Variants in CDKAL1 observed in about 807,000 individuals in gnomAD.
CDKAL1 encodes the protein CDKAL1 threonylcarbamoyladenosine tRNA methylthiotransferase.
Under a neutral mutation model 68.2 loss-of-function variants are expected in CDKAL1, and 32 were observed. That is an observed-to-expected ratio of 0.47 (90% confidence interval 0.35 to 0.63). CDKAL1 has a LOEUF of 0.63. Among genes scored for constraint, CDKAL1 ranks in the 30% least tolerant of loss-of-function variants. The probability of loss-of-function intolerance (pLI) is 0.00; values close to 1 mark genes in which losing one functional copy is unlikely to be tolerated. For synonymous variants in CDKAL1, 234 were observed against 244.3 expected, an observed-to-expected ratio of 0.96 and a Z score of 0.39; for missense variants, 606 against 696.7, an observed-to-expected ratio of 0.87 and a Z score of 1.47.
intron 10 of CDKAL1, among the ~76,000 whole-genome samples, chr6:20,966,287 A>G (rs907213069): frequency 6.6e-6 from 1 of 152,204 alleles, no homozygotes; most frequent in Non-Finnish European, 1.5e-5. Flanking sequence ...CCACTTGAAA[A>G]TGTTAAGCTT....
At chr6:20,890,736 G>A (rs1761349933) in intron 9 of CDKAL1, among the ~76,000 whole-genome samples, 2 of 152,102 alleles carry the variant, frequency 1.3e-5, no homozygotes, top group Non-Finnish European at 2.9e-5. Flanking sequence ...TTTTTAATTA[G>A]TGCATCAGGC....
intron 13 of CDKAL1, among the ~76,000 whole-genome samples, chr6:21,114,693 C>T (rs906511055): frequency 1.3e-5 from 2 of 151,904 alleles, no homozygotes; most frequent in Non-Finnish European, 2.9e-5. Flanking sequence ...GAGTTGTGAT[C>T]GCACCACTGC....
At chr6:20,616,334 T>G (rs1393795862) in intron 4 of CDKAL1, among the ~76,000 whole-genome samples, 1 of 148,852 alleles carries the variant, frequency 6.7e-6, no homozygotes, top group Admixed American at 6.7e-5. Flanking sequence ...ACTGGTAGCT[T>G]GATGGGGATG....
At chr6:21,171,015 TA>T (rs1777362012) in intron 13 of CDKAL1, among the ~76,000 whole-genome samples, 1 of 152,240 alleles carries the variant, frequency 6.6e-6, no homozygotes, top group South Asian at 2.1e-4. Flanking sequence ...ATTAGTAAGA[TA>T]TTTTTAAATG....
intron 10 of CDKAL1, among the ~76,000 whole-genome samples, chr6:20,984,849 G>A (rs995467252): frequency 6.6e-6 from 1 of 151,726 alleles, no homozygotes; most frequent in African/African-American, 2.4e-5. Flanking sequence ...GTTTTGGAAA[G>A]GACAACATTT....
At chr6:21,171,634 A>G (rs983287834) in intron 13 of CDKAL1, among the ~76,000 whole-genome samples, 4 of 152,210 alleles carry the variant, frequency 2.6e-5, no homozygotes, top group African/African-American at 9.6e-5. Flanking sequence ...TAACTATTCC[A>G]CTATTGTTGA....
intron 9 of CDKAL1, among the ~76,000 whole-genome samples, chr6:20,912,555 G>A (rs1498425): frequency 0.96 from 145,994 of 152,296 alleles, 69,988 homozygotes; most frequent in East Asian, 1. Flanking sequence ...AAGACACCTT[G>A]TAAAAGCCAG....
At chr6:21,126,276 G>C (rs529073398) in intron 13 of CDKAL1, among the ~76,000 whole-genome samples, 1 of 152,320 alleles carries the variant, frequency 6.6e-6, no homozygotes, top group African/African-American at 2.4e-5. Flanking sequence ...TATATAAAGA[G>C]AGTAAAGCTC....
At chr6:20,652,913 C>T (rs1196830868) in intron 5 of CDKAL1, among the ~76,000 whole-genome samples, 4 of 152,152 alleles carry the variant, frequency 2.6e-5, no homozygotes, top group Admixed American at 2.0e-4. Flanking sequence ...CATTTCCTTA[C>T]TTTTATTAGT....
At chr6:20,589,010 A>G (rs1305811379) in intron 4 of CDKAL1, among the ~76,000 whole-genome samples, 1 of 152,184 alleles carries the variant, frequency 6.6e-6, no homozygotes, top group Non-Finnish European at 1.5e-5. Flanking sequence ...GGTTCAGGTG[A>G]TTTAAAAATA....
intron 9 of CDKAL1, among the ~76,000 whole-genome samples, chr6:20,942,482 C>T (rs563914619): frequency 5.2e-4 from 78 of 150,432 alleles, no homozygotes; most frequent in African/African-American, 1.8e-3. Flanking sequence ...ATTCTCCTGC[C>T]GCAGCCTTCC....
At chr6:20,545,925 C>T (rs1581702986) in intron 2 of CDKAL1, among the ~76,000 whole-genome samples, 1 of 152,180 alleles carries the variant, frequency 6.6e-6, no homozygotes, top group Non-Finnish European at 1.5e-5. Context: ...TAATATCCAG[C>T]TTATATTCTG....
chr6:20,997,335 G>A (rs1348328181), intron 10 of CDKAL1, among the ~76,000 whole-genome samples: 2 of 152,142 alleles, frequency 1.3e-5, no homozygotes, highest in East Asian at 3.9e-4. Flanking sequence ...GGAAGAGAAA[G>A]CAAAACAAAA....
chr6:20,798,011 T>A (rs1278356940), intron 8 of CDKAL1, among the ~76,000 whole-genome samples: 4 of 151,878 alleles, frequency 2.6e-5, no homozygotes, highest in Admixed American at 2.6e-4. Context: ...AGATGGGGTT[T>A]CACCGTGTTG....
chr6:21,033,497 A>C (rs933341482), intron 11 of CDKAL1, among the ~76,000 whole-genome samples: 1 of 152,114 alleles, frequency 6.6e-6, no homozygotes, highest in East Asian at 1.9e-4. Flanking sequence ...TTGGGTGGAC[A>C]TGGAGGATAG....
chr6:20,705,781 G>A (rs1055229968), intron 5 of CDKAL1, among the ~76,000 whole-genome samples: 2 of 152,096 alleles, frequency 1.3e-5, no homozygotes, highest in African/African-American at 4.8e-5. Flanking sequence ...TAACTTTATA[G>A]AAAAGCTTAT....
chr6:21,149,580 C>T (rs1415762607), intron 13 of CDKAL1, among the ~76,000 whole-genome samples: 1 of 152,170 alleles, frequency 6.6e-6, no homozygotes, highest in Admixed American at 6.5e-5. Flanking sequence ...ATCCTAAAGC[C>T]TCACGATTCC....
At chr6:20,883,382 C>T (rs1428300600) in intron 9 of CDKAL1, among the ~76,000 whole-genome samples, 1 of 152,142 alleles carries the variant, frequency 6.6e-6, no homozygotes, top group Non-Finnish European at 1.5e-5. Flanking sequence ...AAATGGTTCC[C>T]AATATTCTTA....
chr6:20,969,859 A>G (rs1765502250), intron 10 of CDKAL1, among the ~76,000 whole-genome samples: 1 of 151,620 alleles, frequency 6.6e-6, no homozygotes, highest in African/African-American at 2.4e-5. Flanking sequence ...ACCCAGCCCT[A>G]TGCATACATG....
Sources: gnomAD v4.1 joint callset for allele counts (sites outside exome capture counted in the v4.1 genomes callset) on GRCh38, gnomAD v4.1.1 for gene constraint, MANE v1.5 for transcripts, NCBI Gene and HGNC (gene_info 2026-07-23, HGNC 2026-07-21) for gene names.